FRMD3: variants seen among roughly 807,000 people sequenced by gnomAD.
The protein encoded by FRMD3 is FERM domain-containing protein 3.
FRMD3 carries 33 observed loss-of-function variants against 70.2 expected under a neutral mutation model. The ratio of observed to expected loss-of-function variants is 0.47; its 90% confidence interval spans 0.36 to 0.63. The LOEUF is 0.63. Ranked by LOEUF, FRMD3 falls within the 20% of genes least tolerant of loss-of-function variation. The pLI is 0.00. For missense variants in FRMD3, 632 were observed against 711.4 expected (o/e 0.89, Z 1.27); for synonymous variants, 279 against 255.9 (o/e 1.09, Z -0.86).
intron 13 of FRMD3, among the ~76,000 whole-genome samples, chr9:83,283,252 C>T (rs977296314): frequency 4.6e-5 from 7 of 152,054 alleles, no homozygotes; most frequent in Admixed American, 6.6e-5. Context: ...AGGTGTTGGC[C>T]GGGCGCGGTG....
chr9:83,305,051 C>A (rs1835074325), intron 10 of FRMD3, among the ~76,000 whole-genome samples: 1 of 152,196 alleles, frequency 6.6e-6, no homozygotes, highest in South Asian at 2.1e-4. Context: ...AGGCCCCGGG[C>A]CTCCCCGCTC....
At chr9:83,357,296 T>TATATATATAAAA in intron 3 of FRMD3, among the ~76,000 whole-genome samples, 1 of 79,588 alleles carries the variant, frequency 1.3e-5, no homozygotes, top group South Asian at 4.3e-4. Context: ...TATATATATA[T>TATATATATAAAA]AAAACATTTT....
intron 4 of FRMD3, among the ~76,000 whole-genome samples, chr9:83,347,479 T>G (rs1173997406): frequency 6.6e-6 from 1 of 152,200 alleles, no homozygotes; most frequent in Non-Finnish European, 1.5e-5. Context: ...AAAATCAACA[T>G]TCTTTTTGTA....
chr9:83,248,924 C>G (rs1832268854), intron 13 of FRMD3, among the ~76,000 whole-genome samples: 1 of 152,180 alleles, frequency 6.6e-6, no homozygotes, highest in Non-Finnish European at 1.5e-5. Context: ...CAATGACAAT[C>G]TCTTTATTAT....
chr9:83,444,929 A>G (rs1827410914), intron 1 of FRMD3, among the ~76,000 whole-genome samples: 1 of 152,252 alleles, frequency 6.6e-6, no homozygotes. Context: ...ATGCCAAGTC[A>G]TACAGCCTCA....
chr9:83,376,469 T>A (rs751239629), intron 2 of FRMD3, among the ~76,000 whole-genome samples: 28 of 152,066 alleles, frequency 1.8e-4, no homozygotes, highest in Non-Finnish European at 3.8e-4. Flanking sequence ...ACTGAAAAAT[T>A]TATCATTATA....
intron 6 of FRMD3, among the ~76,000 whole-genome samples, chr9:83,325,415 C>T (rs915992145): frequency 2.6e-5 from 4 of 152,154 alleles, no homozygotes; most frequent in Non-Finnish European, 5.9e-5. Context: ...CAGCCTCGAC[C>T]TCCCAGAATC....
At chr9:83,362,778 TA>T (rs1564035823) in intron 3 of FRMD3, among the ~76,000 whole-genome samples, 7 of 145,176 alleles carry the variant, frequency 4.8e-5, no homozygotes, top group African/African-American at 1.9e-4. Context: ...CTTCCTTCCT[TA>T]TTTCCTTCCC....
At chr9:83,536,779 A>G (rs2131565065) in intron 1 of FRMD3, among the ~76,000 whole-genome samples, 1 of 152,114 alleles carries the variant, frequency 6.6e-6, no homozygotes, top group Admixed American at 6.5e-5. Context: ...AACATGTCAC[A>G]CACTCCCACT....
At chr9:83,426,466 A>G (rs544368346) in intron 1 of FRMD3, among the ~76,000 whole-genome samples, 19 of 152,378 alleles carry the variant, frequency 1.2e-4, no homozygotes, top group African/African-American at 4.6e-4. Context: ...CCCCGGTGCT[A>G]AGAGCACAAA....
rs187790136 is a variant in FRMD3 at position 83,519,944 on chromosome 9, G to A, written c.147+18141C>T. The stretch of plus-strand genomic sequence containing the variant: ...CACTCATAAGTGGGAGTTGAACAAT[G>A]AGAACATATGGGCACAGGGAGGGGA... On this transcript the variant is annotated intron_variant, in intron 1 of 13. Coordinates refer to ENST00000304195, the MANE Select transcript of FRMD3 (RefSeq NM_174938.6). Among the ~76,000 whole-genome samples the A allele has an allele frequency of 4.7e-4, 71 of 152,250 alleles. No individual in the cohort carries two copies. In the East Asian group the frequency reaches 8.5e-3, roughly 18 times the overall value.
At chr9:83,317,606 A>G (rs969631078) in intron 6 of FRMD3, among the ~76,000 whole-genome samples, 1 of 152,242 alleles carries the variant, frequency 6.6e-6, no homozygotes, top group Non-Finnish European at 1.5e-5. Context: ...TCTTCAATAT[A>G]GGAACAAGAT....
chr9:83,245,791 TC>T lies in FRMD3; in HGVS notation c.*2126del, dbSNP rs1832064894. 2 of 984,956 alleles carry T rather than the reference TC, an allele frequency of 2.0e-6. No individual in the cohort carries two copies. Among genetic ancestry groups the T allele is most frequent in the South Asian group, 9.4e-5 (2 of 21,274 alleles). The allele number at this position is 984,956 out of a possible 1,614,324, so 61.0% of individuals were successfully genotyped here. A position where few individuals can be genotyped will look rare whatever the true frequency, so the allele number is the denominator to read the frequency against. On this transcript the variant is annotated 3_prime_UTR_variant, in exon 14 of 14. Coordinates refer to ENST00000304195, the MANE Select transcript of FRMD3 (RefSeq NM_174938.6). ...CAGACTACACTAAAGTTGCCTTATG[TC>T]AGAAAGGATGACTTAGAAGTCGTAT...
At chr9:83,361,225 G>A (rs2131222939) in intron 3 of FRMD3, among the ~76,000 whole-genome samples, 1 of 152,264 alleles carries the variant, frequency 6.6e-6, no homozygotes, top group East Asian at 1.9e-4. Context: ...TGTATGTTTT[G>A]CTTTTTTTTG....
the FRMD3 span, among the ~76,000 whole-genome samples, chr9:83,563,377 G>A: frequency 2.0e-5 from 3 of 152,174 alleles, no homozygotes; most frequent in Non-Finnish European, 4.4e-5. Context: ...CTGAGTAAAG[G>A]GTTGGTGGCA....
In FRMD3 at chr9:83,538,199, G is replaced by C. The variant is rs1392191275; in HGVS notation, c.33C>G (p.Gly11=). ...AGTGGATCATTTTCATGGTCCTCCT[G>C]CCTCTCGGCACACAGTGGCAGGAGG... MFASCHCVPR[G]RRTMKMIHFR... The change falls in exon 1 of 14, where the codon GGC becomes GGG. Residue 11 remains glycine, a synonymous_variant. Coordinates refer to ENST00000304195, the MANE Select transcript of FRMD3 (RefSeq NM_174938.6). The surrounding 1 kb of genome is among the most constrained non-coding windows in gnomAD (Gnocchi z 4.7). The C allele has an allele frequency of 6.3e-7, 1 of 1,596,256 alleles. No individual in the cohort carries two copies. The highest frequency in any genetic ancestry group is 1.3e-5 in the African/African-American group (1 of 74,624).
chr9:83,435,578 C>G (rs547042360), intron 1 of FRMD3, among the ~76,000 whole-genome samples: 2 of 151,990 alleles, frequency 1.3e-5, no homozygotes, highest in South Asian at 4.2e-4. Context: ...TGTCTTTTAG[C>G]CAGTTACTTC....
intron 5 of FRMD3, among the ~76,000 whole-genome samples, chr9:83,341,053 T>C (rs1443603752): frequency 6.6e-6 from 1 of 152,214 alleles, no homozygotes; most frequent in Non-Finnish European, 1.5e-5. Context: ...AGATTGCTAA[T>C]CACTTACTCC....
intron 1 of FRMD3, among the ~76,000 whole-genome samples, chr9:83,434,806 C>A (rs1239062990): frequency 6.7e-6 from 1 of 149,710 alleles, no homozygotes; most frequent in Non-Finnish European, 1.5e-5. Context: ...CTCTCCCCTC[C>A]CCCACCCCTC....
Sources: gnomAD v4.1 joint callset for allele counts (sites outside exome capture counted in the v4.1 genomes callset) on GRCh38, gnomAD v4.1.1 for gene constraint, Gnocchi (gnomAD v3.1) non-coding constraint, MANE v1.5 for transcripts, NCBI Gene and HGNC (gene_info 2026-07-23, HGNC 2026-07-21) for gene names.